DOCK9: variants seen among roughly 807,000 people sequenced by gnomAD.
DOCK9 encodes the protein dedicator of cytokinesis 9, also known as dedicator of cytokinesis protein 9.
Under a neutral mutation model 263.3 loss-of-function variants are expected in DOCK9, and 89 were observed. That is an observed-to-expected ratio of 0.34 (90% CI 0.28 to 0.40). The LOEUF (loss-of-function observed/expected upper bound fraction) is 0.40. Ranked by LOEUF, DOCK9 falls within the 10% of genes least tolerant of loss-of-function variation. DOCK9 has a pLI of 1.00. For missense variants in DOCK9, 2,140 were observed against 2,603.4 expected (o/e 0.82, Z 3.87); for synonymous variants, 976 against 973.1 (o/e 1.00, Z -0.06).
At chr13:99,015,600 G>A in intron 1 of DOCK9, 1 of 1,592,430 alleles carries the variant, frequency 6.3e-7, no homozygotes, top group South Asian at 1.1e-5. Context: ...CACTAGTAGT[G>A]CAACCCATCC....
intron 2 of DOCK9, among the ~76,000 whole-genome samples, chr13:98,932,992 A>G (rs991856772): frequency 6.6e-6 from 1 of 152,226 alleles, no homozygotes; most frequent in Non-Finnish European, 1.5e-5. Flanking sequence ...ACAAAGCAAT[A>G]TACTGTATAT....
intron 1 of DOCK9, among the ~76,000 whole-genome samples, chr13:99,002,019 G>A (rs1039896351): frequency 4.6e-5 from 7 of 152,112 alleles, no homozygotes; most frequent in Non-Finnish European, 7.4e-5. Context: ...CTTCCTCTGC[G>A]CTTGCATCTG....
At position 98,881,633 on chromosome 13, in the gene DOCK9, C is replaced by T; in HGVS notation, c.2676-6G>A. On this transcript the variant is annotated splice_region_variant and splice_polypyrimidine_tract_variant and intron_variant, in intron 24 of 52. Transcript: ENST00000682017. Reference sequence around the variant, plus strand: ...CAACCACATGAATAATGACCCTACACACCACAGGAGTGAATAAAGCAAAGA... The same window carrying T: ...CAACCACATGAATAATGACCCTACATACCACAGGAGTGAATAAAGCAAAGA... 1 of 1,606,028 alleles carries T rather than the reference C, an allele frequency of 6.2e-7. No individual in the cohort carries two copies. The highest frequency in any genetic ancestry group is 8.5e-7 in the Non-Finnish European group (1 of 1,176,162).
At chr13:98,866,315 C>T (rs568545367) in intron 30 of DOCK9, among the ~76,000 whole-genome samples, 2 of 152,072 alleles carry the variant, frequency 1.3e-5, no homozygotes, top group Non-Finnish European at 2.9e-5. Context: ...ACAGTTGGTG[C>T]GGGGTAAATA....
At chr13:98,942,123 T>C (rs1162283835) in intron 2 of DOCK9, among the ~76,000 whole-genome samples, 1 of 152,184 alleles carries the variant, frequency 6.6e-6, no homozygotes, top group Non-Finnish European at 1.5e-5. Flanking sequence ...TACCAACTCT[T>C]TCATGTGCAT....
At chr13:99,064,524 G>A (rs1273454256) in intron 1 of DOCK9, among the ~76,000 whole-genome samples, 6 of 152,070 alleles carry the variant, frequency 3.9e-5, no homozygotes, top group South Asian at 2.1e-4. Context: ...AAAATGAACC[G>A]GGGCCCCCAT....
chr13:98,946,300 G>A (rs1280754341), intron 2 of DOCK9, among the ~76,000 whole-genome samples: 2 of 152,112 alleles, frequency 1.3e-5, no homozygotes, highest in Non-Finnish European at 2.9e-5. Flanking sequence ...GGAGTCTCTC[G>A]CATTAATCCA....
intron 15 of DOCK9, among the ~76,000 whole-genome samples, chr13:98,893,726 T>C (rs1306776800): frequency 1.3e-5 from 2 of 152,200 alleles, no homozygotes; most frequent in Non-Finnish European, 2.9e-5. Flanking sequence ...GATTATTTCC[T>C]GTAAAATATA....
chr13:99,055,027 C>T (rs2040854953), intron 1 of DOCK9, among the ~76,000 whole-genome samples: 1 of 152,160 alleles, frequency 6.6e-6, no homozygotes, highest in Non-Finnish European at 1.5e-5. Context: ...GAAAGAATTG[C>T]CTCATCCACT....
At chr13:99,071,129 T>C (rs148739417) in intron 1 of DOCK9, among the ~76,000 whole-genome samples, 1,850 of 152,044 alleles carry the variant, frequency 0.012, 33 homozygotes, top group South Asian at 0.056. Context: ...AATTTGTATG[T>C]GATATATATT....
intron 1 of DOCK9, among the ~76,000 whole-genome samples, chr13:98,965,617 C>T (rs544751883): frequency 6.6e-5 from 10 of 152,150 alleles, no homozygotes; most frequent in Non-Finnish European, 1.2e-4. Flanking sequence ...TAAAACGATG[C>T]CTACATTTTA....
intron 2 of DOCK9, among the ~76,000 whole-genome samples, chr13:98,932,518 A>C (rs547373118): frequency 6.6e-6 from 1 of 152,358 alleles, no homozygotes; most frequent in East Asian, 1.9e-4. Flanking sequence ...ATGGCAAATG[A>C]CTACACTGGG....
intron 1 of DOCK9, among the ~76,000 whole-genome samples, chr13:99,048,687 G>C (rs1229400922): frequency 1.3e-5 from 2 of 152,128 alleles, no homozygotes; most frequent in Non-Finnish European, 2.9e-5. Flanking sequence ...ATGACAAATG[G>C]GGACAGCTCA....
intron 35 of DOCK9, 64 bp from the exon 36 acceptor site, chr13:98,850,177 T>C (rs2093520882): frequency 1.7e-6 from 2 of 1,210,518 alleles, no homozygotes; most frequent in Admixed American, 6.0e-5. Flanking sequence ...GAATCACCTG[T>C]TGTGAAAATG....
chr13:98,977,784 C>T lies in DOCK9; in HGVS notation c.126G>A (p.Pro42=), dbSNP rs1201480260. ...AACACTTTGTACGAGACCCTCTTAC[C>T]GGCACAGGGCCCGGGCTCTCTGCTT... The part of the protein sequence containing the change: ...EVEAESPGPV[P]AKPKLIEPLD... Residue 42 remains proline, a splice_region_variant and synonymous_variant, in exon 1 of 53, where the codon CCG becomes CCA. Coordinates refer to ENST00000682017, the MANE Select transcript of DOCK9 (RefSeq NM_001366683.2). The T allele has an allele frequency of 4.3e-6, 7 of 1,611,434 alleles. No homozygotes were observed. The highest frequency in any genetic ancestry group is 1.3e-5 in the African/African-American group (1 of 74,892).
At chr13:99,052,364 T>G (rs1723339462) in intron 1 of DOCK9, among the ~76,000 whole-genome samples, 1 of 152,172 alleles carries the variant, frequency 6.6e-6, no homozygotes, top group South Asian at 2.1e-4. Context: ...AGCTTACTTC[T>G]CCCTGACCTC....
intron 29 of DOCK9, 75 bp from the exon 30 acceptor site, chr13:98,867,611 T>C (rs1224032880): frequency 4.2e-6 from 4 of 950,632 alleles, no homozygotes; most frequent in African/African-American, 3.3e-5. Context: ...CTATTAGCAA[T>C]AGTATGCTAG....
chr13:99,061,773 G>A (rs772718747), intron 1 of DOCK9, among the ~76,000 whole-genome samples: 18 of 151,872 alleles, frequency 1.2e-4, no homozygotes, highest in African/African-American at 2.2e-4. Flanking sequence ...ATCCCATTCC[G>A]GTACTGTTTG....
At chr13:98,986,612 C>A (rs1318865970) in intron 1 of DOCK9, among the ~76,000 whole-genome samples, 1 of 152,208 alleles carries the variant, frequency 6.6e-6, no homozygotes, top group Non-Finnish European at 1.5e-5. Context: ...AAAATAATAT[C>A]ATCAGCAGCA....
Sources: allele counts gnomAD v4.1 joint callset (sites outside exome capture counted in the v4.1 genomes callset), GRCh38; gene constraint gnomAD v4.1.1; transcripts MANE v1.5; gene names NCBI Gene and HGNC (gene_info 2026-07-23, HGNC 2026-07-21).